Variants in CD68 observed in about 807,000 individuals in gnomAD.
CD68 encodes the protein macrosialin.
In CD68, 24 loss-of-function variants were observed where a neutral mutation model predicts 31.3. That is an observed-to-expected ratio of 0.77 (90% CI 0.55 to 1.08). The LOEUF (loss-of-function observed/expected upper bound fraction) is 1.08, where lower values mean the gene tolerates loss of function less well. CD68 is among the 50% of genes least tolerant of loss of function. The probability of loss-of-function intolerance (pLI) is 0.00; values close to 1 mark genes in which losing one functional copy is unlikely to be tolerated. For missense variants in CD68, 461 were observed against 442.5 expected (o/e 1.04, Z -0.38); for synonymous variants, 190 against 179.6 (o/e 1.06, Z -0.46).
chr17:7,580,373 A>T lies in CD68; in HGVS notation c.567+46A>T. 6.2e-7 allele frequency: 1 copy of T among 1,608,850 alleles called. No homozygotes were observed. The highest frequency in any genetic ancestry group is 8.5e-7 in the Non-Finnish European group (1 of 1,176,494). ...TGAGAGGGGAGGGAGGCAGGACTGG[A>T]TATAGGCTCAGAGGGAAGAAGGAAG... On this transcript the variant is annotated intron_variant, in intron 2 of 5. Coordinates refer to ENST00000250092, the MANE Select transcript of CD68 (RefSeq NM_001251.3). This position sits in a 1 kb window ranked among gnomAD's most constrained non-coding sequence, Gnocchi z 4.3.
chr17:7,580,041 C>T lies in CD68; in HGVS notation c.281C>T (p.Thr94Ile). 1 of 1,614,076 alleles carries T rather than the reference C, an allele frequency of 6.2e-7. No homozygotes were observed. Among genetic ancestry groups the T allele is most frequent in the Non-Finnish European group, 8.5e-7 (1 of 1,179,992 alleles). ...TSHGNVTVHP[T>I]SNSTATSQGP... Reference sequence around the variant, plus strand: ...CATGGAAACGTCACAGTTCATCCAACAAGCAATAGCACTGCCACCAGCCAG... The same window carrying T: ...CATGGAAACGTCACAGTTCATCCAATAAGCAATAGCACTGCCACCAGCCAG... Residue 94 changes from threonine to isoleucine, a missense_variant, in exon 2 of 6, where the codon ACA becomes ATA. By Grantham distance (89) the Thr-to-Ile change is moderately conservative. Coordinates refer to ENST00000250092, the MANE Select transcript of CD68 (RefSeq NM_001251.3). The surrounding 1 kb of genome is among the most constrained non-coding windows in gnomAD (Gnocchi z 4.3).
Position 7,580,689 on chromosome 17 carries a change from C to A in CD68, c.688-22C>A. 1 of 1,613,942 alleles carries A rather than the reference C, an allele frequency of 6.2e-7. No individual in the cohort carries two copies. Among genetic ancestry groups the A allele is most frequent in the South Asian group, 1.1e-5 (1 of 91,072 alleles). On this transcript the variant is annotated intron_variant, in intron 3 of 5. Transcript: ENST00000250092. This position sits in a 1 kb window ranked among gnomAD's most constrained non-coding sequence, Gnocchi z 4.3. Reference sequence around the variant, plus strand: ...CCTCTGTGGAGAGGGATACCACCTGCGCCTTCCTCTTCGCCCCACAGGACC... The same window carrying A: ...CCTCTGTGGAGAGGGATACCACCTGAGCCTTCCTCTTCGCCCCACAGGACC...
chr17:7,581,014 C>G lies in CD68; in HGVS notation c.879C>G (p.Leu293=). 1 of 1,614,086 alleles carries G rather than the reference C, an allele frequency of 6.2e-7. No homozygotes were observed. Among genetic ancestry groups the G allele is most frequent in the Non-Finnish European group, 8.5e-7 (1 of 1,179,994 alleles). Residue 293 remains leucine (L), a synonymous_variant, in exon 5 of 6, where the codon CTC becomes CTG. Transcript: ENST00000250092. ...CACCAGCTGTCCACCTCGACCTGCT[C>G]TCCCTGAGGCTCCAGGCTGCTCAGC... ...ILSPAVHLDL[L]SLRLQAAQLP...
In CD68 at chr17:7,580,316, G is replaced by A. The variant is rs1328024674; in HGVS notation, c.556G>A (p.Gly186Ser). ...IQIRVMYTTQ[G>S]GGEAWGISVL... The stretch of plus-strand genomic sequence containing the variant: ...GATTCGAGTCATGTACACAACCCAG[G>A]GTGGAGGAGAGGTAAAGCTAAAACT... The change falls in exon 2 of 6, where the codon GGT becomes AGT. Residue 186 changes from glycine (G) to serine (S), a missense_variant. Physicochemically the swap from Gly to Ser is moderately conservative, Grantham distance 56. Transcript: ENST00000250092. This position sits in a 1 kb window ranked among gnomAD's most constrained non-coding sequence, Gnocchi z 4.3. 1.9e-6 allele frequency: 3 copies of A among 1,612,588 alleles called. No homozygotes were observed. The highest frequency in any genetic ancestry group is 1.1e-5 in the South Asian group (1 of 91,054).
At position 7,581,022 on chromosome 17, in the gene CD68, G is replaced by A. The variant is rs1200419573; in HGVS notation, c.887G>A (p.Arg296Lys). The A allele has an allele frequency of 9.3e-6, 15 of 1,613,906 alleles. No homozygotes were observed. The Admixed American group carries it at 1.5e-4, about 16-fold the overall frequency. ...PAVHLDLLSL[R>K]LQAAQLPHTG... ...GTCCACCTCGACCTGCTCTCCCTGAGGCTCCAGGCTGCTCAGCTGCCCCAC... is the reference window on the plus strand; with the variant it reads ...GTCCACCTCGACCTGCTCTCCCTGAAGCTCCAGGCTGCTCAGCTGCCCCAC... Residue 296 changes from arginine to lysine, a missense_variant, in exon 5 of 6, where the codon AGG (arginine) becomes AAG (lysine). Arg to Lys is a conservative substitution (Grantham distance 26). Transcript: ENST00000250092.
At position 7,580,518 on chromosome 17, in the gene CD68, G is replaced by A. The variant is rs767425130; in HGVS notation, c.620G>A (p.Cys207Tyr). ...AACAAAACCAAGGTCCAGGGAAGCT[G>A]TGAGGGTGCCCATCCCCACCTGCTT... ...NPNKTKVQGS[C>Y]EGAHPHLLLS... The change falls in exon 3 of 6, where the codon TGT (cysteine) becomes TAT (tyrosine). Residue 207 changes from cysteine to tyrosine, a missense_variant. Physicochemically the swap from Cys to Tyr is radical, Grantham distance 194 (BLOSUM62 -2). Coordinates refer to ENST00000250092, the MANE Select transcript of CD68 (RefSeq NM_001251.3). The surrounding 1 kb of genome is among the most constrained non-coding windows in gnomAD (Gnocchi z 4.3). 4.3e-6 allele frequency: 7 copies of A among 1,613,932 alleles called. No homozygotes were observed. Among genetic ancestry groups the A allele is most frequent in the African/African-American group, 4.0e-5 (3 of 74,838 alleles).
Position 7,579,793 on chromosome 17 carries a change from C to CT in CD68, c.50-16dup. 1 of 1,608,814 alleles carries CT rather than the reference C, an allele frequency of 6.2e-7. No homozygotes were observed. Among genetic ancestry groups the CT allele is most frequent in the Middle Eastern group, 1.7e-4 (1 of 6,036 alleles). On this transcript the variant is annotated splice_polypyrimidine_tract_variant and intron_variant, in intron 1 of 5. Transcript: ENST00000250092. ...GAGCCTGCCCTGGGTTGCTAACCAT[C>CT]TCCTCTCTGCCAAAAGCCCAGGGGA...
In CD68 at chr17:7,580,908, C is replaced by T. The variant is rs779654567; in HGVS notation, c.773C>T (p.Ser258Leu). 1.3e-4 allele frequency: 203 copies of T among 1,613,850 alleles called. 1 individual carries two copies. In the Middle Eastern group the frequency reaches 5.8e-3, roughly 46 times the overall value. Residue 258 changes from serine to leucine, a missense_variant, in exon 5 of 6, where the codon TCG becomes TTG. Ser to Leu is a moderately radical substitution (Grantham distance 145). Transcript: ENST00000250092. The surrounding 1 kb of genome is among the most constrained non-coding windows in gnomAD (Gnocchi z 4.3). ...CTCACTCCTCCAGAGTGGACATTCTCGGCTCAGAATGCATCCCTTCGAGAT... is the reference window on the plus strand; with the variant it reads ...CTCACTCCTCCAGAGTGGACATTCTTGGCTCAGAATGCATCCCTTCGAGAT... ...SFPHAAQWTF[S>L]AQNASLRDLQ...
rs978406171 is a variant in CD68 at position 7,580,402 on chromosome 17, G to C, written c.568-64G>C. Reference sequence around the variant, plus strand: ...AGGCTCAGAGGGAAGAAGGAAGAGGGGACAGGGAACCTTGGCCGGCATCGC... The same window carrying C: ...AGGCTCAGAGGGAAGAAGGAAGAGGCGACAGGGAACCTTGGCCGGCATCGC... On this transcript the variant is annotated intron_variant, in intron 2 of 5. Transcript: ENST00000250092. The surrounding 1 kb of genome is among the most constrained non-coding windows in gnomAD (Gnocchi z 4.3). 1.1e-5 allele frequency: 17 copies of C among 1,610,802 alleles called. No individual in the cohort carries two copies. Among genetic ancestry groups the C allele is most frequent in the Non-Finnish European group, 1.4e-5 (17 of 1,177,658 alleles).
At position 7,581,802 on chromosome 17, in the gene CD68, C is replaced by T; in HGVS notation, c.*291C>T. On this transcript the variant is annotated 3_prime_UTR_variant, in exon 6 of 6. Coordinates refer to ENST00000250092, the MANE Select transcript of CD68 (RefSeq NM_001251.3). ...GGTGTGGCGGCGTAATCCCAGCTGG[C>T]CTGTAATCCCAGCTACTTGGGAGGC... is the stretch of plus-strand genomic sequence containing the variant. 5.8e-6 allele frequency: 2 copies of T among 346,386 alleles called. No individual in the cohort carries two copies. Among genetic ancestry groups the T allele is most frequent in the Non-Finnish European group, 1.1e-5 (2 of 178,522 alleles). The allele number at this position is 346,386 out of a possible 1,614,324, so 21.5% of individuals were successfully genotyped here.
rs758697255 is a variant in CD68 at position 7,580,562 on chromosome 17, C to T, written c.664C>T (p.His222Tyr). The T allele has an allele frequency of 3.1e-6, 5 of 1,613,948 alleles. No individual in the cohort carries two copies. In the Admixed American group the frequency reaches 5.0e-5, roughly 16 times the overall value. ...PHLLLSFPYG[H>Y]LSFGFMQDLQ... ...CCTGCTTCTCTCATTCCCCTATGGA[C>T]ACCTCAGCTTTGGATTCATGCAGGT... is the stretch of plus-strand genomic sequence containing the variant. Residue 222 changes from histidine to tyrosine, a missense_variant, in exon 3 of 6, where the codon CAC (histidine) becomes TAC (tyrosine). Coordinates refer to ENST00000250092, the MANE Select transcript of CD68 (RefSeq NM_001251.3). This position sits in a 1 kb window ranked among gnomAD's most constrained non-coding sequence, Gnocchi z 4.3.
chr17:7,581,357 C>G (rs755915279), intron 5 of CD68, 21 bp from the exon 6 acceptor site: 1 of 1,614,094 alleles, frequency 6.2e-7, no homozygotes, highest in South Asian at 1.1e-5. Context: ...CAAATACCTA[C>G]CTGCCCTATC....
rs2071477804 is a variant in CD68 at position 7,580,998 on chromosome 17, T to A, written c.863T>A (p.Val288Asp). Residue 288 changes from valine to aspartate, a missense_variant, in exon 5 of 6, where the codon GTC (valine) becomes GAC (aspartate). Val to Asp is a radical substitution (Grantham distance 152). Transcript: ENST00000250092. This position sits in a 1 kb window ranked among gnomAD's most constrained non-coding sequence, Gnocchi z 4.3. Reference protein sequence around the residue: ...SNSSIILSPAVHLDLLSLRLQ... With the variant: ...SNSSIILSPADHLDLLSLRLQ... ...TCGAGCATCATTCTTTCACCAGCTG[T>A]CCACCTCGACCTGCTCTCCCTGAGG... 1.2e-6 allele frequency: 2 copies of A among 1,613,828 alleles called. No homozygotes were observed.
At position 7,580,676 on chromosome 17, in the gene CD68, G is replaced by A. The variant is rs1354787408; in HGVS notation, c.688-35G>A. ...CACGCTACTCCTTCCTCTGTGGAGA[G>A]GGATACCACCTGCGCCTTCCTCTTC... On this transcript the variant is annotated intron_variant, in intron 3 of 5. Transcript: ENST00000250092. This position sits in a 1 kb window ranked among gnomAD's most constrained non-coding sequence, Gnocchi z 4.3. The A allele has an allele frequency of 6.2e-7, 1 of 1,613,794 alleles. No individual in the cohort carries two copies. The highest frequency in any genetic ancestry group is 8.5e-7 in the Non-Finnish European group (1 of 1,179,894).
chr17:7,580,176 ACC>A lies in CD68; in HGVS notation c.418_419del (p.Pro140ArgfsTer10). 6.2e-7 allele frequency: 1 copy of A among 1,614,060 alleles called. No individual in the cohort carries two copies. Among genetic ancestry groups the A allele is most frequent in the Admixed American group, 1.7e-5 (1 of 60,002 alleles). On this transcript the variant is annotated frameshift_variant, in exon 2 of 6. Coordinates refer to ENST00000250092, the MANE Select transcript of CD68 (RefSeq NM_001251.3). LOFTEE classifies it high-confidence loss of function. This position sits in a 1 kb window ranked among gnomAD's most constrained non-coding sequence, Gnocchi z 4.3. ...AGCCCAGGATTCACCAGTTCTGCCC[ACC>A]CAGAACCACCTCCACCCTCTCCGAG...
rs772171846 is a variant in CD68 at position 7,579,888 on chromosome 17, CAG to C, written c.133_134del (p.Ser45HisfsTer52). 1.2e-6 allele frequency: 2 copies of C among 1,614,076 alleles called. No homozygotes were observed. The highest frequency in any genetic ancestry group is 1.3e-5 in the African/African-American group (1 of 74,980). On this transcript the variant is annotated frameshift_variant, in exon 2 of 6. Coordinates refer to ENST00000250092, the MANE Select transcript of CD68 (RefSeq NM_001251.3). LOFTEE classifies it high-confidence loss of function. ...TCCTTCACGGTGACACCCACGGTTA[CAG>C]AGAGCACTGGAACAACCAGCCACAG...
At chr17:7,581,242 C>A (rs1043383314) in intron 5 of CD68, 136 bp from the exon 6 acceptor site, 27 of 1,234,398 alleles carry the variant, frequency 2.2e-5, no homozygotes, top group Non-Finnish European at 1.2e-6. Flanking sequence ...CAGTTTCCCC[C>A]TTTTATCACT....
In CD68 at chr17:7,581,594, CAA is replaced by C; in HGVS notation, c.*85_*86del. ...TTATTTCCTCGACACGCAACTGGCTCAAAGACAATGTTATTTTCCTTCCCTTT... is the reference window on the plus strand; with the variant it reads ...TTATTTCCTCGACACGCAACTGGCTCAGACAATGTTATTTTCCTTCCCTTT... On this transcript the variant is annotated 3_prime_UTR_variant, in exon 6 of 6. Coordinates refer to ENST00000250092, the MANE Select transcript of CD68 (RefSeq NM_001251.3). 1.4e-6 allele frequency: 2 copies of C among 1,403,416 alleles called. No homozygotes were observed. Among genetic ancestry groups the C allele is most frequent in the Non-Finnish European group, 1.0e-6 (1 of 1,000,024 alleles). The allele number at this position is 1,403,416 out of a possible 1,614,324, so 86.9% of individuals were successfully genotyped here.
In CD68 at chr17:7,581,750, T is replaced by C. The variant is rs1435048234; in HGVS notation, c.*239T>C. ...CAGCCTGGCCAACATGGTGAAACCC[T>C]GTCTCTACTAAAAATACAATTAGCC... On this transcript the variant is annotated 3_prime_UTR_variant, in exon 6 of 6. Transcript: ENST00000250092. 7 of 458,658 alleles carry C rather than the reference T, an allele frequency of 1.5e-5. No individual in the cohort carries two copies. Among genetic ancestry groups the C allele is most frequent in the Admixed American group, 6.8e-5 (2 of 29,588 alleles). The allele number at this position is 458,658 out of a possible 1,614,324, so 28.4% of individuals were successfully genotyped here. A position where few individuals can be genotyped will look rare whatever the true frequency, so the allele number is the denominator to read the frequency against.
Sources: gnomAD v4.1 joint callset for allele counts on GRCh38, gnomAD v4.1.1 for gene constraint, Gnocchi (gnomAD v3.1) non-coding constraint, MANE v1.5 for transcripts, NCBI Gene and HGNC (gene_info 2026-07-23, HGNC 2026-07-21) for gene names.